Variants in GATA2 observed in about 807,000 individuals in gnomAD.
The protein encoded by GATA2 is GATA binding protein 2.
A neutral mutation model predicts 35.7 loss-of-function variants in GATA2; 6 were observed. The ratio of observed to expected loss-of-function variants is 0.17; its 90% confidence interval spans 0.09 to 0.33. The LOEUF is 0.33. Ranked by LOEUF, GATA2 falls within the 10% of genes least tolerant of loss-of-function variation. The probability of loss-of-function intolerance (pLI) is 1.00; values close to 1 mark genes in which losing one functional copy is unlikely to be tolerated. For missense variants in GATA2, 541 were observed against 656.6 expected (o/e 0.82, Z 1.92); for synonymous variants, 313 against 274.9 (o/e 1.14, Z -1.37).
rs981075533 is a variant in GATA2, at chr3:128,484,518, T to A, written c.872-513A>T. 5.3e-5 allele frequency among the ~76,000 whole-genome samples: 8 copies of A among 152,164 alleles called. No individual in the cohort carries two copies. The South Asian group carries it at 1.5e-3, about 28-fold the overall frequency. ...CATTTCCCTCTTTCTCCCCAACTTT[T>A]CTCCTCTTCCACCAAAGCTCTAGAA... is the stretch of plus-strand genomic sequence containing the variant. On this transcript the variant is annotated intron_variant, in intron 3 of 5. Transcript: ENST00000341105.
At position 128,481,958 on chromosome 3, in the gene GATA2, G is replaced by A; in HGVS notation, c.1018-14C>T. The A allele has an allele frequency of 1.2e-6, 2 of 1,612,284 alleles. No homozygotes were observed. Among genetic ancestry groups the A allele is most frequent in the Non-Finnish European group, 8.5e-7 (1 of 1,179,936 alleles). On this transcript the variant is annotated splice_polypyrimidine_tract_variant and intron_variant, in intron 4 of 5. Coordinates refer to ENST00000341105, the MANE Select transcript of GATA2 (RefSeq NM_032638.5). ...TCTGGCGGCCGACTGGGAGGGCAAG[G>A]CAGCGTCAGCAGGCTGGACTCCCAC...
chr3:128,488,358 C>G lies in GATA2; in HGVS notation c.-45-1282G>C, dbSNP rs1350239293. On this transcript the variant is annotated intron_variant, in intron 1 of 5. Transcript: ENST00000341105. This position sits in a 1 kb window ranked among gnomAD's most constrained non-coding sequence, Gnocchi z 5.8. ...TCCGAGCGCAGTTACCTACCCAGAC[C>G]GTTCCCTCCCCTAGCTCGGGCGCTG... 6.6e-6 allele frequency: 1 copy of G among 152,324 alleles called. No homozygotes were observed. The highest frequency in any genetic ancestry group is 1.5e-5 in the Non-Finnish European group (1 of 68,160). 9.4% of individuals were successfully genotyped at this position (152,324 alleles called of 1,614,324 possible).
chr3:128,486,837 G>A lies in GATA2; in HGVS notation c.195C>T (p.His65=). 6.2e-7 allele frequency: 1 copy of A among 1,611,092 alleles called. No individual in the cohort carries two copies. Among genetic ancestry groups the A allele is most frequent in the Non-Finnish European group, 8.5e-7 (1 of 1,179,126 alleles). The change falls in exon 2 of 6, where the codon CAC becomes CAT. Residue 65 remains histidine (H), a synonymous_variant. Coordinates refer to ENST00000341105, the MANE Select transcript of GATA2 (RefSeq NM_032638.5). ...GGCTGTAGGAGACGCGCGCCCGCGC[G>A]TGAGCGGGGTTGGCATAGTAGGGGT... ...QGNPYYANPA[H]ARARVSYSPA...
At chr3:128,491,320 T>G (rs1249032057) in intron 1 of GATA2, among the ~76,000 whole-genome samples, 1 of 151,828 alleles carries the variant, frequency 6.6e-6, no homozygotes, top group Non-Finnish European at 1.5e-5. Flanking sequence ...CTTTTCCTTA[T>G]GGGCAGCTAA....
intron 3 of GATA2, among the ~76,000 whole-genome samples, chr3:128,484,469 G>A (rs60985838): frequency 0.034 from 5,123 of 152,042 alleles, 302 homozygotes; most frequent in African/African-American, 0.12. Flanking sequence ...GCCCCACCCC[G>A]TCTTTCTGCT....
At chr3:128,484,792 G>A (rs926510622) in intron 3 of GATA2, among the ~76,000 whole-genome samples, 6 of 152,116 alleles carry the variant, frequency 3.9e-5, no homozygotes, top group African/African-American at 9.7e-5. Context: ...TGGGGCCAGC[G>A]GGGGCTGGGG....
At position 128,485,937 on chromosome 3, in the gene GATA2, T is replaced by G. The variant is rs1252930387; in HGVS notation, c.661A>C (p.Met221Leu). 2 of 1,614,178 alleles carry G rather than the reference T, an allele frequency of 1.2e-6. No individual in the cohort carries two copies. Among genetic ancestry groups the G allele is most frequent in the Non-Finnish European group, 1.7e-6 (2 of 1,180,028 alleles). The stretch of plus-strand genomic sequence containing the variant: ...AGGGGACTGCCACTTTCCATCTTCA[T>G]GCTCTCCGTCAGTGACACCTGGTAC... ...VKYQVSLTESMKMESGSPLRP... is the reference protein window; with the variant it reads ...VKYQVSLTESLKMESGSPLRP... Residue 221 changes from methionine (M) to leucine (L), a missense_variant, in exon 3 of 6, where the codon ATG (methionine) becomes CTG (leucine). This residue lies in a region of GATA2 where 389 missense variants were observed against 396.9 expected (regional missense o/e 0.98). Coordinates refer to ENST00000341105, the MANE Select transcript of GATA2 (RefSeq NM_032638.5).
At chr3:128,483,713 G>A (rs1360445626) in intron 4 of GATA2, 147 bp downstream of exon 4, 9 of 1,119,656 alleles carry the variant, frequency 8.0e-6, no homozygotes, top group South Asian at 1.4e-5. Flanking sequence ...AAAGAGAGAC[G>A]ACCCCAACTG....
intron 1 of GATA2, 100 bp downstream of exon 1, chr3:128,492,799 G>A (rs1374174696): frequency 4.6e-5 from 7 of 152,570 alleles, no homozygotes; most frequent in Non-Finnish European, 1.0e-4. Flanking sequence ...CAAAGGTAGG[G>A]GCCACAGGGC....
chr3:128,486,890 A>T lies in GATA2; in HGVS notation c.142T>A (p.Phe48Ile), dbSNP rs878855170. 6 of 1,612,838 alleles carry T rather than the reference A, an allele frequency of 3.7e-6. No individual in the cohort carries two copies. The highest frequency in any genetic ancestry group is 1.7e-5 in the Admixed American group (1 of 59,926). Residue 48 changes from phenylalanine to isoleucine, a missense_variant, in exon 2 of 6, where the codon TTC becomes ATC. Transcript: ENST00000341105. ...CCCTGCGAGTCGAGGTGATTGAAGA[A>T]GACGTCCACCTCGTCTGGAGGCAGC... ...QLLPPDEVDV[F>I]FNHLDSQGNP...
intron 5 of GATA2, 117 bp downstream of exon 5, chr3:128,481,702 G>T (rs1371247099): frequency 4.7e-6 from 6 of 1,287,328 alleles, no homozygotes; most frequent in African/African-American, 1.5e-5. Flanking sequence ...CTCACTCAGG[G>T]CAGCAGCTTC....
At chr3:128,483,489 G>A (rs2068656117) in intron 4 of GATA2, among the ~76,000 whole-genome samples, 1 of 152,194 alleles carries the variant, frequency 6.6e-6, no homozygotes, top group Admixed American at 6.5e-5. Context: ...AGCACGAGGA[G>A]CTTGTGAGCG....
Position 128,486,808 on chromosome 3 carries a change from G to A in GATA2, c.224C>T (p.Ala75Val), listed in dbSNP as rs1559987952. ...ACCACGGGCCCAGTGCTCACCGTGC[G>A]CGGGGCTGTAGGAGACGCGCGCCCG... ...HARARVSYSP[A>V]HARLTGGQMC... is the part of the protein sequence containing the mutation. The change falls in exon 2 of 6, where the codon GCG becomes GTG. Residue 75 changes from alanine to valine, a missense_variant. By Grantham distance (64) the Ala-to-Val change is moderately conservative. Coordinates refer to ENST00000341105, the MANE Select transcript of GATA2 (RefSeq NM_032638.5). 3 of 1,602,702 alleles carry A rather than the reference G, an allele frequency of 1.9e-6. No individual in the cohort carries two copies. In the African/African-American group the frequency reaches 4.0e-5, roughly 21 times the overall value.
intron 1 of GATA2, among the ~76,000 whole-genome samples, chr3:128,492,552 C>G (rs2068790499): frequency 6.6e-6 from 1 of 152,192 alleles, no homozygotes; most frequent in African/African-American, 2.4e-5. Context: ...CGGACGCATC[C>G]GCCGCGGTGG....
At chr3:128,483,770 C>A (rs1376662989) in intron 4 of GATA2, 90 bp downstream of exon 4, 4 of 1,523,548 alleles carry the variant, frequency 2.6e-6, no homozygotes, top group Non-Finnish European at 2.7e-6. Flanking sequence ...AGCGGCAAAG[C>A]GTCTGCATTT....
Position 128,488,368 on chromosome 3 carries a change from C to T in GATA2, c.-45-1292G>A, listed in dbSNP as rs1408356647. The T allele has an allele frequency of 6.6e-6, 1 of 152,342 alleles. No homozygotes were observed. Among genetic ancestry groups the T allele is most frequent in the Non-Finnish European group, 1.5e-5 (1 of 68,174 alleles). The allele number at this position is 152,342 out of a possible 1,614,324, so 9.4% of individuals were successfully genotyped here. A position where few individuals can be genotyped will look rare whatever the true frequency, so the allele number is the denominator to read the frequency against. ...GTTACCTACCCAGACCGTTCCCTCC[C>T]CTAGCTCGGGCGCTGTCTGGGTGGA... On this transcript the variant is annotated intron_variant, in intron 1 of 5. Transcript: ENST00000341105. The surrounding 1 kb of genome is among the most constrained non-coding windows in gnomAD (Gnocchi z 5.8).
intron 4 of GATA2, among the ~76,000 whole-genome samples, chr3:128,483,483 C>T (rs571357409): frequency 1.3e-5 from 2 of 152,164 alleles, no homozygotes; most frequent in South Asian, 2.1e-4. Flanking sequence ...TAAATAAGCA[C>T]GAGGAGCTTG....
Position 128,480,909 on chromosome 3 carries a change from G to A in GATA2, c.*110C>T. ...GGCGCCCTCCAGGAGAGGGGGTGCT[G>A]GGCCGAGCCGGGCTGGCAGGAGTGG... On this transcript the variant is annotated 3_prime_UTR_variant, in exon 6 of 6. Transcript: ENST00000341105. 1 of 1,278,824 alleles carries A rather than the reference G, an allele frequency of 7.8e-7. No homozygotes were observed. The highest frequency in any genetic ancestry group is 1.6e-5 in the South Asian group (1 of 63,464). The allele number at this position is 1,278,824 out of a possible 1,614,324, so 79.2% of individuals were successfully genotyped here. A position where few individuals can be genotyped will look rare whatever the true frequency, so the allele number is the denominator to read the frequency against.
chr3:128,485,599 T>G, intron 3 of GATA2, 128 bp downstream of exon 3: 3 of 1,186,716 alleles, frequency 2.5e-6, no homozygotes, highest in South Asian at 2.9e-5. Context: ...CTGGGGGCTA[T>G]TAGAGCGAGA....
Sources: gnomAD v4.1 joint callset for allele counts (sites outside exome capture counted in the v4.1 genomes callset) on GRCh38, gnomAD v4.1.1 for gene constraint, gnomAD v4.1.1 regional missense constraint, Gnocchi (gnomAD v3.1) non-coding constraint, MANE v1.5 for transcripts, NCBI Gene and HGNC (gene_info 2026-07-23, HGNC 2026-07-21) for gene names.